Variants in WEE1 observed in about 807,000 individuals in gnomAD.
WEE1 encodes wee1-like protein kinase.
Under a neutral mutation model 68.8 loss-of-function variants are expected in WEE1, and 16 were observed. That is an observed-to-expected ratio of 0.23 (90% CI 0.16 to 0.35). The LOEUF is 0.35. Ranked by LOEUF, WEE1 falls within the 10% of genes least tolerant of loss-of-function variation. The pLI is 1.00. For missense variants in WEE1, 651 were observed against 824.1 expected (o/e 0.79, Z 2.57); for synonymous variants, 349 against 318.7 (o/e 1.09, Z -1.01).
At position 9,573,997 on chromosome 11, in the gene WEE1, C is replaced by T. The variant is rs1217796362; in HGVS notation, c.64C>T (p.Arg22Trp). The T allele has an allele frequency of 4.7e-6, 6 of 1,285,204 alleles. No individual in the cohort carries two copies. Among genetic ancestry groups the T allele is most frequent in the Middle Eastern group, 2.1e-4 (1 of 4,754 alleles). 79.6% of individuals were successfully genotyped at this position (1,285,204 alleles called of 1,614,324 possible). ...CCGCGCCGGGGCGGCCTGCACCTTG[C>T]GGCAGAAGCTGATCTTCTCGCCCTG... ...PRRAGAACTL[R>W]QKLIFSPCSD... Residue 22 changes from arginine to tryptophan, a missense_variant, in exon 1 of 11, where the codon CGG becomes TGG. Physicochemically the swap from Arg to Trp is moderately radical, Grantham distance 101. Transcript: ENST00000450114.
intron 6 of WEE1, among the ~76,000 whole-genome samples, chr11:9,583,848 CTT>C (rs1189544274): frequency 7.8e-4 from 35 of 45,042 alleles, no homozygotes; most frequent in South Asian, 2.6e-3. Context: ...TATATATATA[CTT>C]TTTTTTTTCT....
intron 6 of WEE1, among the ~76,000 whole-genome samples, chr11:9,583,407 G>C (rs1457026786): frequency 1.3e-5 from 2 of 151,858 alleles, no homozygotes; most frequent in African/African-American, 2.4e-5. Flanking sequence ...CTAAGCTTGG[G>C]AGTTCACCAC....
intron 5 of WEE1, chr11:9,578,344 A>G (rs1304042043): frequency 1.9e-5 from 3 of 156,028 alleles, no homozygotes; most frequent in Admixed American, 1.3e-4. Context: ...AACAGTGAAC[A>G]AAACAGAAGT....
At chr11:9,581,260 G>C in intron 5 of WEE1, 1 of 318,738 alleles carries the variant, frequency 3.1e-6, no homozygotes, top group Non-Finnish European at 5.7e-6. Flanking sequence ...AAGCCAACCT[G>C]ATAATACTGG....
intron 5 of WEE1, chr11:9,579,517 C>G (rs1177114501): frequency 6.6e-6 from 1 of 152,162 alleles, no homozygotes; most frequent in Non-Finnish European, 1.5e-5. Flanking sequence ...CCTGTATAAA[C>G]AAGTGTAGAA....
At position 9,574,371 on chromosome 11, in the gene WEE1, A is replaced by G. The variant is rs771370231; in HGVS notation, c.438A>G (p.Pro146=). The G allele has an allele frequency of 4.1e-6, 5 of 1,226,802 alleles. No individual in the cohort carries two copies. The highest frequency in any genetic ancestry group is 5.1e-6 in the Non-Finnish European group (5 of 986,770). The allele number at this position is 1,226,802 out of a possible 1,614,324, so 76.0% of individuals were successfully genotyped here. ...TCTCGCCGGTGCGCTGCGGCGGCCC[A>G]GGAGATGCGTCGCCGCGGGGTTGCG... is the stretch of plus-strand genomic sequence containing the variant. ...SSFSPVRCGG[P]GDASPRGCGA... is the part of the protein sequence containing the mutation. Residue 146 remains proline (P), a synonymous_variant, in exon 1 of 11, where the codon CCA becomes CCG. Transcript: ENST00000450114. The surrounding 1 kb of genome is among the most constrained non-coding windows in gnomAD (Gnocchi z 4.9).
chr11:9,573,724 G>T lies in WEE1; in HGVS notation c.-210G>T. On this transcript the variant is annotated 5_prime_UTR_variant, in exon 1 of 11. Coordinates refer to ENST00000450114, the MANE Select transcript of WEE1 (RefSeq NM_003390.4). ...AGACCTCAGCCTCGGTGCTCGGGCC[G>T]CCCCGCCTCTGCCGGAAAGTCCGCG... 1 of 208,062 alleles carries T rather than the reference G, an allele frequency of 4.8e-6. No individual in the cohort carries two copies. Among genetic ancestry groups the T allele is most frequent in the Admixed American group, 6.0e-5 (1 of 16,634 alleles). The allele number at this position is 208,062 out of a possible 1,614,324, so 12.9% of individuals were successfully genotyped here. A position where few individuals can be genotyped will look rare whatever the true frequency, so the allele number is the denominator to read the frequency against.
chr11:9,574,269 C>T lies in WEE1; in HGVS notation c.336C>T (p.Asp112=). 8.2e-7 allele frequency: 1 copy of T among 1,226,792 alleles called. No homozygotes were observed. The highest frequency in any genetic ancestry group is 1.0e-6 in the Non-Finnish European group (1 of 982,614). The allele number at this position is 1,226,792 out of a possible 1,614,324, so 76.0% of individuals were successfully genotyped here. A position where few individuals can be genotyped will look rare whatever the true frequency, so the allele number is the denominator to read the frequency against. Residue 112 remains aspartate, a synonymous_variant, in exon 1 of 11, where the codon GAC becomes GAT. Coordinates refer to ENST00000450114, the MANE Select transcript of WEE1 (RefSeq NM_003390.4). The surrounding 1 kb of genome is among the most constrained non-coding windows in gnomAD (Gnocchi z 4.9). ...AGGCGGGCGGTGGGGCGGAGGGCGACTCGTGGGAGGAGGAGGGCTTCGGCT... is the reference window on the plus strand; with the variant it reads ...AGGCGGGCGGTGGGGCGGAGGGCGATTCGTGGGAGGAGGAGGGCTTCGGCT... ...ADEAGGGAEG[D]SWEEEGFGSS...
Position 9,573,971 on chromosome 11 carries a change from G to A in WEE1, c.38G>A (p.Arg13His). ...AGCCGACAGCAGCCGCCGCCACCCC[G>A]CCGCGCCGGGGCGGCCTGCACCTTG... is the stretch of plus-strand genomic sequence containing the variant. ...FLSRQQPPPP[R>H]RAGAACTLRQ... is the part of the protein sequence containing the mutation. Residue 13 changes from arginine (R) to histidine (H), a missense_variant, in exon 1 of 11, where the codon CGC (arginine) becomes CAC (histidine). This residue lies in a region of WEE1 where 395 missense variants were observed against 378.4 expected (regional missense o/e 1.04). Coordinates refer to ENST00000450114, the MANE Select transcript of WEE1 (RefSeq NM_003390.4). The A allele has an allele frequency of 1.5e-6, 2 of 1,294,100 alleles. No individual in the cohort carries two copies. The highest frequency in any genetic ancestry group is 9.8e-7 in the Non-Finnish European group (1 of 1,020,502). 80.2% of individuals were successfully genotyped at this position (1,294,100 alleles called of 1,614,324 possible). A position where few individuals can be genotyped will look rare whatever the true frequency, so the allele number is the denominator to read the frequency against.
In WEE1 at chr11:9,574,963, G is replaced by C; in HGVS notation, c.576+454G>C. ...GAGTTTAAAGAAAAATAATTGTCCC[G>C]CCCTGATCGTGTCGTGTCGTGTGGC... On this transcript the variant is annotated intron_variant, in intron 1 of 10. Coordinates refer to ENST00000450114, the MANE Select transcript of WEE1 (RefSeq NM_003390.4). This position sits in a 1 kb window ranked among gnomAD's most constrained non-coding sequence, Gnocchi z 4.9. 1 of 985,676 alleles carries C rather than the reference G, an allele frequency of 1.0e-6. No homozygotes were observed. Among genetic ancestry groups the C allele is most frequent in the Non-Finnish European group, 1.2e-6 (1 of 830,120 alleles). 61.1% of individuals were successfully genotyped at this position (985,676 alleles called of 1,614,324 possible). A position where few individuals can be genotyped will look rare whatever the true frequency, so the allele number is the denominator to read the frequency against.
chr11:9,578,180 A>G (rs1015509720), intron 5 of WEE1: 5 of 256,950 alleles, frequency 1.9e-5, no homozygotes, highest in African/African-American at 4.6e-5. Flanking sequence ...TTCTGTGAAT[A>G]TAGACAATTT....
Position 9,574,522 on chromosome 11 carries a change from G to T in WEE1, c.576+13G>T. On this transcript the variant is annotated intron_variant, in intron 1 of 10. Transcript: ENST00000450114. This position sits in a 1 kb window ranked among gnomAD's most constrained non-coding sequence, Gnocchi z 4.9. ...GCACACGCCCAAGGTGAGAGCGGCGGGCGCGGGCACCCGGCGGCCGGGGCC... is the reference window on the plus strand; with the variant it reads ...GCACACGCCCAAGGTGAGAGCGGCGTGCGCGGGCACCCGGCGGCCGGGGCC... 1 of 1,207,400 alleles carries T rather than the reference G, an allele frequency of 8.3e-7. No homozygotes were observed. Among genetic ancestry groups the T allele is most frequent in the Non-Finnish European group, 1.0e-6 (1 of 976,646 alleles). The allele number at this position is 1,207,400 out of a possible 1,614,324, so 74.8% of individuals were successfully genotyped here.
At chr11:9,575,229 G>A (rs1373041147) in intron 1 of WEE1, 2 of 985,550 alleles carry the variant, frequency 2.0e-6, no homozygotes, top group Non-Finnish European at 1.2e-6. Flanking sequence ...TCTTAAAGAA[G>A]GAGGTGTTCA....
In WEE1 at chr11:9,588,681, AATT is replaced by A. The variant is rs1306817151; in HGVS notation, c.*81_*83del. The A allele has an allele frequency of 2.9e-6, 4 of 1,403,178 alleles. No homozygotes were observed. Among genetic ancestry groups the A allele is most frequent in the Admixed American group, 5.5e-5 (2 of 36,464 alleles). The allele number at this position is 1,403,178 out of a possible 1,614,324, so 86.9% of individuals were successfully genotyped here. A position where few individuals can be genotyped will look rare whatever the true frequency, so the allele number is the denominator to read the frequency against. The stretch of plus-strand genomic sequence containing the variant: ...AAATCACTGATAGAATCCAGTTTGC[AATT>A]ACTTTCTCGATTGGTGTCAGTAGTT... On this transcript the variant is annotated 3_prime_UTR_variant, in exon 11 of 11. Coordinates refer to ENST00000450114, the MANE Select transcript of WEE1 (RefSeq NM_003390.4).
At position 9,589,097 on chromosome 11, in the gene WEE1, T is replaced by C; in HGVS notation, c.*495T>C. The C allele has an allele frequency of 1.0e-6, 1 of 985,856 alleles. No homozygotes were observed. The highest frequency in any genetic ancestry group is 1.2e-6 in the Non-Finnish European group (1 of 829,936). 61.1% of individuals were successfully genotyped at this position (985,856 alleles called of 1,614,324 possible). A position where few individuals can be genotyped will look rare whatever the true frequency, so the allele number is the denominator to read the frequency against. On this transcript the variant is annotated 3_prime_UTR_variant, in exon 11 of 11. Coordinates refer to ENST00000450114, the MANE Select transcript of WEE1 (RefSeq NM_003390.4). Reference sequence around the variant, plus strand: ...CCCACTGGGAGCACTTTGTAGGCATTGCATGAACCATGGGATGATGATTCT... The same window carrying C: ...CCCACTGGGAGCACTTTGTAGGCATCGCATGAACCATGGGATGATGATTCT...
chr11:9,583,027 A>T (rs192016679), intron 6 of WEE1, among the ~76,000 whole-genome samples: 1 of 152,276 alleles, frequency 6.6e-6, no homozygotes, highest in East Asian at 1.9e-4. Flanking sequence ...AAAAATCTTC[A>T]AATTTAGACC....
chr11:9,583,281 C>T (rs989345605), intron 6 of WEE1, among the ~76,000 whole-genome samples: 1 of 150,802 alleles, frequency 6.6e-6, no homozygotes, highest in Admixed American at 6.6e-5. Flanking sequence ...CCATTGCACT[C>T]CATCCTAGGC....
Position 9,588,610 on chromosome 11 carries a change from C to A in WEE1, c.*8C>A. ...AGCCTTACTATATACTGAGCTACTC[C>A]TTTCCCACCTCCCCCTGAACACTGT... On this transcript the variant is annotated 3_prime_UTR_variant, in exon 11 of 11. Coordinates refer to ENST00000450114, the MANE Select transcript of WEE1 (RefSeq NM_003390.4). 1 of 1,552,130 alleles carries A rather than the reference C, an allele frequency of 6.4e-7. No individual in the cohort carries two copies. The highest frequency in any genetic ancestry group is 1.2e-5 in the South Asian group (1 of 80,522).
chr11:9,587,911 C>G (rs1363791195), intron 10 of WEE1, among the ~76,000 whole-genome samples: 1 of 152,088 alleles, frequency 6.6e-6, no homozygotes, highest in Non-Finnish European at 1.5e-5. Flanking sequence ...TTCCTTTCAT[C>G]TCTCTTATGT....
Sources: gnomAD v4.1 joint callset for allele counts (sites outside exome capture counted in the v4.1 genomes callset) on GRCh38, gnomAD v4.1.1 for gene constraint, gnomAD v4.1.1 regional missense constraint, Gnocchi (gnomAD v3.1) non-coding constraint, MANE v1.5 for transcripts, NCBI Gene and HGNC (gene_info 2026-07-23, HGNC 2026-07-21) for gene names.